Variants in BTBD9 observed in about 807,000 individuals in gnomAD.
BTBD9 encodes BTB domain containing 9.
Under a neutral mutation model 64.3 loss-of-function variants are expected in BTBD9, and 49 were observed. The ratio of observed to expected loss-of-function variants is 0.76; its 90% CI spans 0.61 to 0.97. The LOEUF is 0.97. BTBD9 is among the 50% of genes least tolerant of loss of function. The pLI, the probability that BTBD9 is intolerant of heterozygous loss-of-function variation, is 0.00. For missense variants in BTBD9, 598 were observed against 762.1 expected, an observed-to-expected ratio of 0.78 and a Z score of 2.53; for synonymous variants, 260 against 274.7, an observed-to-expected ratio of 0.95 and a Z score of 0.53.
chr6:38,505,202 C>T (rs1772411989), intron 6 of BTBD9, among the ~76,000 whole-genome samples: 1 of 152,206 alleles, frequency 6.6e-6, no homozygotes, highest in African/African-American at 2.4e-5. Flanking sequence ...CAGGTGATCT[C>T]ATTCATTTTC....
chr6:38,628,989 C>T (rs994330507), intron 1 of BTBD9, among the ~76,000 whole-genome samples: 15 of 151,624 alleles, frequency 9.9e-5, no homozygotes, highest in Non-Finnish European at 1.9e-4. Flanking sequence ...CAGACACAGA[C>T]CCAGCTTGAA....
chr6:38,365,707 A>C (rs2127600997), intron 6 of BTBD9, among the ~76,000 whole-genome samples: 1 of 151,750 alleles, frequency 6.6e-6, no homozygotes, highest in Middle Eastern at 3.4e-3. Flanking sequence ...GTGGTGAACC[A>C]AGCTCATGAC....
chr6:38,421,728 T>C (rs2127277636), intron 6 of BTBD9, among the ~76,000 whole-genome samples: 1 of 152,326 alleles, frequency 6.6e-6, no homozygotes, highest in Non-Finnish European at 1.5e-5. Flanking sequence ...TAACAAACAG[T>C]AAGGCATTAG....
intron 6 of BTBD9, among the ~76,000 whole-genome samples, chr6:38,475,022 A>T (rs1770816114): frequency 6.6e-6 from 1 of 152,236 alleles, no homozygotes. Context: ...GTACCTCTAT[A>T]TAATGAAACA....
intron 7 of BTBD9, among the ~76,000 whole-genome samples, chr6:38,303,874 T>TATATATATATAA (rs368257334): frequency 1.2e-5 from 1 of 82,650 alleles, no homozygotes; most frequent in Non-Finnish European, 2.3e-5. Flanking sequence ...TATATATATA[T>TATATATATATAA]ACACACACAC....
intron 7 of BTBD9, among the ~76,000 whole-genome samples, chr6:38,339,524 T>C (rs935823504): frequency 6.6e-6 from 1 of 152,084 alleles, no homozygotes; most frequent in South Asian, 2.1e-4. Flanking sequence ...AAAAAATATA[T>C]AATATGTATG....
chr6:38,361,130 A>T (rs1188148568), intron 6 of BTBD9, among the ~76,000 whole-genome samples: 1 of 152,122 alleles, frequency 6.6e-6, no homozygotes, highest in African/African-American at 2.4e-5. Context: ...AAATATATGG[A>T]TGCTACCCTT....
intron 6 of BTBD9, among the ~76,000 whole-genome samples, chr6:38,553,917 T>A (rs935870164): frequency 4.6e-5 from 7 of 152,070 alleles, no homozygotes; most frequent in African/African-American, 1.7e-4. Flanking sequence ...CTGGGTTCAA[T>A]GAATTTCTAT....
intron 7 of BTBD9, among the ~76,000 whole-genome samples, chr6:38,312,746 T>C (rs12202804): frequency 0.31 from 46,629 of 152,128 alleles, 9,231 homozygotes; most frequent in Non-Finnish European, 0.45. Flanking sequence ...GGGTTCTCTA[T>C]TCTGTTCTAT....
intron 1 of BTBD9, among the ~76,000 whole-genome samples, chr6:38,629,477 T>A (rs1365879670): frequency 6.6e-6 from 1 of 152,166 alleles, no homozygotes; most frequent in Non-Finnish European, 1.5e-5. Flanking sequence ...CAAAACTGCA[T>A]AATGTGGATC....
chr6:38,413,454 T>C (rs539273846), intron 6 of BTBD9, among the ~76,000 whole-genome samples: 1 of 152,334 alleles, frequency 6.6e-6, no homozygotes, highest in Admixed American at 6.5e-5. Flanking sequence ...TTACACTGTA[T>C]AGGCCAAACA....
intron 8 of BTBD9, among the ~76,000 whole-genome samples, chr6:38,271,558 T>C (rs2074531152): frequency 6.6e-6 from 1 of 151,936 alleles, no homozygotes; most frequent in African/African-American, 2.4e-5. Flanking sequence ...GTAAATAAAG[T>C]TTTATTGGAA....
intron 9 of BTBD9, among the ~76,000 whole-genome samples, chr6:38,200,386 CT>C (rs749840101): frequency 1.3e-4 from 20 of 152,042 alleles, no homozygotes; most frequent in Admixed American, 4.6e-4. Flanking sequence ...AATCAAACTC[CT>C]AAATTAGCAG....
rs546019690 is a variant in BTBD9, at chr6:38,357,818, T to G, written c.1155-12725A>C. On this transcript the variant is annotated intron_variant, in intron 6 of 10. Coordinates refer to ENST00000481247, the MANE Select transcript of BTBD9 (RefSeq NM_001099272.2). ...GTCTTAAAATAAAATTTCACCTTGTTGCTGCTCCTCCATCCCCCTCCTTAT... is the reference window on the plus strand; with the variant it reads ...GTCTTAAAATAAAATTTCACCTTGTGGCTGCTCCTCCATCCCCCTCCTTAT... Among the ~76,000 whole-genome samples, 36 of 152,338 alleles carry G rather than the reference T, an allele frequency of 2.4e-4. No homozygotes were observed. The South Asian group carries it at 7.5e-3, about 32-fold the overall frequency.
rs1218009890 is a variant in BTBD9 at position 38,174,530 on chromosome 6, G to A, written c.*455C>T. 6.1e-6 allele frequency: 1 copy of A among 163,272 alleles called. No individual in the cohort carries two copies. The highest frequency in any genetic ancestry group is 1.3e-5 in the Non-Finnish European group (1 of 75,860). The allele number at this position is 163,272 out of a possible 1,614,324, so 10.1% of individuals were successfully genotyped here. A position where few individuals can be genotyped will look rare whatever the true frequency, so the allele number is the denominator to read the frequency against. On this transcript the variant is annotated 3_prime_UTR_variant, in exon 11 of 11. Transcript: ENST00000481247. ...ACTAAAACAAATAAAAAATCATTTA[G>A]TTGCCAGGGCAATGTATTCCAGCAG...
intron 8 of BTBD9, among the ~76,000 whole-genome samples, chr6:38,259,393 AC>A (rs1035256240): frequency 5.9e-5 from 9 of 152,044 alleles, no homozygotes; most frequent in African/African-American, 1.9e-4. Context: ...CTTCACCGTT[AC>A]CTTTTTTGTT....
At chr6:38,589,755 C>T (rs1776707228) in intron 4 of BTBD9, among the ~76,000 whole-genome samples, 2 of 152,212 alleles carry the variant, frequency 1.3e-5, no homozygotes, top group South Asian at 2.1e-4. Flanking sequence ...CAACTAATCA[C>T]AATTTATATC....
chr6:38,505,964 C>CAAAAAAAAAAAAAAAA lies in BTBD9; in HGVS notation c.1154+71620_1154+71635dup, dbSNP rs59014161. ...TGGCAACAGCATGGCTCCGTCTCAA[C>CAAAAAAAAAAAAAAAA]AAAAAAAAAAAAAAAAAAAAGGAAC... is the stretch of plus-strand genomic sequence containing the variant. On this transcript the variant is annotated intron_variant, in intron 6 of 10. Transcript: ENST00000481247. Among the ~76,000 whole-genome samples the CAAAAAAAAAAAAAAAA allele has an allele frequency of 2.6e-3, 211 of 82,634 alleles. 9 individuals are homozygous for CAAAAAAAAAAAAAAAA. The highest frequency in any genetic ancestry group is 7.3e-3 in the African/African-American group (178 of 24,448). The allele number at this position is 82,634 out of a possible 152,430, so 54.2% of individuals were successfully genotyped here.
intron 10 of BTBD9, among the ~76,000 whole-genome samples, chr6:38,177,096 T>C (rs530218117): frequency 2.0e-5 from 3 of 152,304 alleles, no homozygotes; most frequent in East Asian, 1.9e-4. Flanking sequence ...ACACAGGAGC[T>C]CTTTATCCGG....
Sources: gnomAD v4.1 joint callset for allele counts (sites outside exome capture counted in the v4.1 genomes callset) on GRCh38, gnomAD v4.1.1 for gene constraint, MANE v1.5 for transcripts, NCBI Gene and HGNC (gene_info 2026-07-23, HGNC 2026-07-21) for gene names.